The following KDM6A variants were observed in gnomAD, a reference collection of about 807,000 sequenced individuals.
The protein encoded by KDM6A is lysine-specific demethylase 6A.
A neutral mutation model predicts 117.6 loss-of-function variants in KDM6A; 11 were observed. The ratio of observed to expected loss-of-function variants is 0.09; its 90% confidence interval spans 0.06 to 0.15. The LOEUF (loss-of-function observed/expected upper bound fraction) is 0.15. Ranked by LOEUF, KDM6A falls within the 10% of genes least tolerant of loss-of-function variation. The pLI, the probability that KDM6A is intolerant of heterozygous loss-of-function variation, is 1.00. For missense variants in KDM6A, 799 were observed against 1,077.3 expected, an observed-to-expected ratio of 0.74 and a Z score of 3.62; for synonymous variants, 384 against 396.1, an observed-to-expected ratio of 0.97 and a Z score of 0.36.
intron 3 of KDM6A, among the ~76,000 whole-genome samples, chrX:44,969,721 T>A (rs904127015): frequency 2.7e-5 from 3 of 111,569 alleles, no homozygotes; most frequent in African/African-American, 6.5e-5. Context: ...CGGCCCTCTC[T>A]TTTTGTCTTT....
In KDM6A at chrX:44,881,396, G is replaced by C. The variant is rs777248256; in HGVS notation, c.225+7409G>C. ...TGCAGTGAGCCGAGATCGTGCCACTGAACTCCAGCCTGGCGACAGAGCAAG... is the reference window on the plus strand; with the variant it reads ...TGCAGTGAGCCGAGATCGTGCCACTCAACTCCAGCCTGGCGACAGAGCAAG... On this transcript the variant is annotated intron_variant, in intron 2 of 29. Transcript: ENST00000611820. Among the ~76,000 whole-genome samples the C allele has an allele frequency of 2.1e-4, 23 of 111,936 alleles. No individual in the cohort carries two copies. The East Asian group carries it at 6.5e-3, about 31-fold the overall frequency.
chrX:45,097,828 C>T (rs1208722031), intron 27 of KDM6A, among the ~76,000 whole-genome samples: 1 of 112,006 alleles, frequency 8.9e-6, no homozygotes, highest in African/African-American at 3.2e-5. Context: ...TAAATCTCTT[C>T]AAATTTCTAC....
intron 2 of KDM6A, among the ~76,000 whole-genome samples, chrX:44,932,614 C>T (rs1037438933): frequency 9.0e-5 from 10 of 111,392 alleles, no homozygotes; most frequent in African/African-American, 3.3e-4. Context: ...CTTAACTGCC[C>T]TTTCTTTTTC....
At chrX:45,059,593 A>G (rs778203331) in intron 12 of KDM6A, 127 bp downstream of exon 12, 1 of 513,103 alleles carries the variant, frequency 1.9e-6, no homozygotes, top group African/African-American at 2.3e-5. Flanking sequence ...ATATTTTGTA[A>G]ACATACCATA....
intron 2 of KDM6A, among the ~76,000 whole-genome samples, chrX:44,938,346 C>G (rs750109641): frequency 8.9e-6 from 1 of 111,816 alleles, no homozygotes; most frequent in South Asian, 3.8e-4. Flanking sequence ...GCTGACATAG[C>G]AAACTTTGAG....
intron 2 of KDM6A, among the ~76,000 whole-genome samples, chrX:44,928,534 C>T (rs1454118542): frequency 1.8e-5 from 2 of 111,875 alleles, no homozygotes; most frequent in Non-Finnish European, 3.8e-5. Flanking sequence ...TCGGAGAGAC[C>T]TTCAAGCAAT....
intron 2 of KDM6A, among the ~76,000 whole-genome samples, chrX:44,928,262 A>G (rs1376486306): frequency 8.9e-6 from 1 of 111,919 alleles, no homozygotes; most frequent in Non-Finnish European, 1.9e-5. Flanking sequence ...TAGGAAATGC[A>G]TGCTGGAGTA....
chrX:44,993,553 T>A (rs2040722812), intron 4 of KDM6A, among the ~76,000 whole-genome samples: 1 of 110,839 alleles, frequency 9.0e-6, no homozygotes, highest in Non-Finnish European at 1.9e-5. Context: ...TGGATAGTTT[T>A]AAAAAGTTGT....
At chrX:44,874,679 CTTTT>C (rs1301246210) in intron 2 of KDM6A, among the ~76,000 whole-genome samples, 3 of 101,085 alleles carry the variant, frequency 3.0e-5, no homozygotes, top group Admixed American at 2.4e-4. Context: ...GGGGTGTAGT[CTTTT>C]TTTATTTGTG....
At chrX:44,999,083 C>T (rs1208360447) in intron 4 of KDM6A, among the ~76,000 whole-genome samples, 4 of 111,427 alleles carry the variant, frequency 3.6e-5, no homozygotes, top group Non-Finnish European at 5.7e-5. Flanking sequence ...TTTGGGAGGC[C>T]GAGGCGGGTG....
At chrX:45,008,209 C>A (rs2041591739) in intron 4 of KDM6A, among the ~76,000 whole-genome samples, 1 of 110,145 alleles carries the variant, frequency 9.1e-6, no homozygotes, top group African/African-American at 3.3e-5. Context: ...CCCGTCTCTA[C>A]TAAAAATACA....
At chrX:45,009,137 G>A (rs1470825934) in intron 4 of KDM6A, among the ~76,000 whole-genome samples, 1 of 112,178 alleles carries the variant, frequency 8.9e-6, no homozygotes, top group East Asian at 2.8e-4. Flanking sequence ...ATAATCCAGA[G>A]TAAAGTGAAA....
At chrX:44,904,290 C>T (rs2034521068) in intron 2 of KDM6A, among the ~76,000 whole-genome samples, 1 of 111,931 alleles carries the variant, frequency 8.9e-6, no homozygotes, top group Non-Finnish European at 1.9e-5. Flanking sequence ...ACAACATTGC[C>T]ATAGCCATTA....
chrX:45,076,966 G>C, intron 19 of KDM6A, 140 bp downstream of exon 19: 29 of 412,706 alleles, frequency 7.0e-5, no homozygotes, highest in East Asian at 1.2e-4. Flanking sequence ...GGGCGGGGGG[G>C]AAGATATATT....
intron 2 of KDM6A, among the ~76,000 whole-genome samples, chrX:44,885,860 ACT>A (rs1398811114): frequency 2.8e-5 from 3 of 108,890 alleles, no homozygotes; most frequent in Admixed American, 2.0e-4. Flanking sequence ...ACAGAGTCAG[ACT>A]CTGTCTCAAA....
intron 4 of KDM6A, among the ~76,000 whole-genome samples, chrX:45,009,026 T>C (rs1290173593): frequency 8.9e-6 from 1 of 112,039 alleles, no homozygotes; most frequent in African/African-American, 3.2e-5. Flanking sequence ...TAGGACAAAC[T>C]TTAGCATTTT....
intron 2 of KDM6A, among the ~76,000 whole-genome samples, chrX:44,892,184 A>G (rs1022677910): frequency 8.9e-6 from 1 of 112,434 alleles, no homozygotes; most frequent in African/African-American, 3.2e-5. Context: ...TTCTTTGTCA[A>G]GGTTGATTTA....
intron 25 of KDM6A, 44 bp downstream of exon 25, chrX:45,086,023 C>A: frequency 2.4e-6 from 2 of 818,437 alleles, no homozygotes; most frequent in Non-Finnish European, 3.7e-6. Context: ...TATTAGAAAG[C>A]AGTAATTGTA....
chrX:44,940,254 A>T (rs1388726486), intron 2 of KDM6A, among the ~76,000 whole-genome samples: 2 of 110,824 alleles, frequency 1.8e-5, no homozygotes, highest in African/African-American at 6.6e-5. Context: ...GGTTTTCACC[A>T]TGTTGGCCAG....
Sources: allele counts gnomAD v4.1 joint callset (sites outside exome capture counted in the v4.1 genomes callset), GRCh38; gene constraint gnomAD v4.1.1; transcripts MANE v1.5; gene names NCBI Gene and HGNC (gene_info 2026-07-23, HGNC 2026-07-21).